Variants in ROBO2 observed in about 807,000 individuals in gnomAD.
The protein encoded by ROBO2 is roundabout guidance receptor 2.
Under a neutral mutation model 160.8 loss-of-function variants are expected in ROBO2, and 53 were observed. The ratio of observed to expected loss-of-function variants is 0.33; its 90% CI spans 0.26 to 0.41. The LOEUF (loss-of-function observed/expected upper bound fraction) is 0.41. ROBO2 is among the 10% of genes least tolerant of loss of function. The pLI is 1.00. For synonymous variants in ROBO2, 664 were observed against 611.7 expected, an observed-to-expected ratio of 1.09 and a Z score of -1.26; for missense variants, 1,577 against 1,722.4, an observed-to-expected ratio of 0.92 and a Z score of 1.49.
intron 4 of ROBO2, among the ~76,000 whole-genome samples, chr3:77,481,809 T>G (rs1451140818): frequency 1.3e-5 from 2 of 152,040 alleles, no homozygotes; most frequent in African/African-American, 4.8e-5. Context: ...AATTAATAGG[T>G]TAAAAACTGA....
chr3:76,119,921 CCTTCCTTCCTTCCTTCCTT>C (rs2070667034), intron 2 of ROBO2, among the ~76,000 whole-genome samples: 3 of 42,732 alleles, frequency 7.0e-5, no homozygotes, highest in South Asian at 1.6e-3. Context: ...TCCCTCCCTT[CCTTCCTTCCTTCCTTCCTT>C]CCTTCCTTCC....
At chr3:76,971,650 C>A (rs2059578454) in intron 2 of ROBO2, among the ~76,000 whole-genome samples, 1 of 152,124 alleles carries the variant, frequency 6.6e-6, no homozygotes, top group Non-Finnish European at 1.5e-5. Context: ...TTGCTTTAGA[C>A]TTATGGACAC....
chr3:76,216,445 A>C (rs1315990066), intron 2 of ROBO2, among the ~76,000 whole-genome samples: 1 of 152,200 alleles, frequency 6.6e-6, no homozygotes, highest in East Asian at 1.9e-4. Context: ...TATAGGCTCA[A>C]AATAAAGGGA....
chr3:76,749,682 G>A (rs2093948243), intron 2 of ROBO2, among the ~76,000 whole-genome samples: 1 of 152,034 alleles, frequency 6.6e-6, no homozygotes, highest in Non-Finnish European at 1.5e-5. Context: ...CAGGGCATAG[G>A]CCAAAATACG....
At position 77,102,305 on chromosome 3, in the gene ROBO2, T is replaced by C. The variant is rs180690303; in HGVS notation, c.388+3965T>C. Among the ~76,000 whole-genome samples, 4 of 151,256 alleles carry C rather than the reference T, an allele frequency of 2.6e-5. No individual in the cohort carries two copies. In the East Asian group the frequency reaches 7.9e-4, roughly 30 times the overall value. On this transcript the variant is annotated intron_variant, in intron 2 of 25. Coordinates refer to ENST00000461745, the Ensembl canonical transcript of ROBO2. ...TTATTTAGTGTGTGTGTGTGTTGCGTGGGTGGGTGGATTGTGCTAGGCATT... is the reference window on the plus strand; with the variant it reads ...TTATTTAGTGTGTGTGTGTGTTGCGCGGGTGGGTGGATTGTGCTAGGCATT...
Position 77,231,363 on chromosome 3 carries a change from C to CAAAAA in ROBO2, c.388+133041_388+133045dup, listed in dbSNP as rs60535204. 2.1e-3 allele frequency among the ~76,000 whole-genome samples: 128 copies of CAAAAA among 59,594 alleles called. 2 individuals carry two copies. Among genetic ancestry groups the CAAAAA allele is most frequent in the African/African-American group, 8.0e-3 (116 of 14,528 alleles). The allele number at this position is 59,594 out of a possible 152,430, so 39.1% of individuals were successfully genotyped here. A position where few individuals can be genotyped will look rare whatever the true frequency, so the allele number is the denominator to read the frequency against. ...GGGCAGCAGTGAGTGAGACTCCATC[C>CAAAAA]AAAAAAAAAAAAAAAAAAAAAAGAC... On this transcript the variant is annotated intron_variant, in intron 2 of 25. Transcript: ENST00000461745.
At chr3:77,381,782 A>G (rs916457398) in intron 2 of ROBO2, among the ~76,000 whole-genome samples, 2 of 152,126 alleles carry the variant, frequency 1.3e-5, no homozygotes, top group African/African-American at 4.8e-5. Context: ...CACTTGGTTG[A>G]TTCTCCTCCT....
At chr3:76,348,145 A>G (rs964741781) in intron 2 of ROBO2, among the ~76,000 whole-genome samples, 8 of 151,056 alleles carry the variant, frequency 5.3e-5, no homozygotes, top group African/African-American at 2.0e-4. Context: ...TCTCACACAC[A>G]GTCAGTATCA....
At chr3:77,011,407 G>A (rs1397534924) in intron 2 of ROBO2, among the ~76,000 whole-genome samples, 1 of 152,106 alleles carries the variant, frequency 6.6e-6, no homozygotes, top group Admixed American at 6.5e-5. Context: ...TCTGTGTCAA[G>A]TATCTTCAGC....
intron 9 of ROBO2, among the ~76,000 whole-genome samples, chr3:77,560,349 G>GA (rs1415173208): frequency 6.6e-6 from 1 of 152,006 alleles, no homozygotes; most frequent in Non-Finnish European, 1.5e-5. Flanking sequence ...CTCCTCACCA[G>GA]AAAAAGACAT....
chr3:77,222,255 C>T (rs2085916849), intron 2 of ROBO2, among the ~76,000 whole-genome samples: 1 of 152,202 alleles, frequency 6.6e-6, no homozygotes, highest in East Asian at 1.9e-4. Context: ...TAGATCATAT[C>T]CAAAACCTGC....
At chr3:77,397,553 A>G (rs976336521) in intron 2 of ROBO2, among the ~76,000 whole-genome samples, 2 of 152,136 alleles carry the variant, frequency 1.3e-5, no homozygotes, top group Non-Finnish European at 2.9e-5. Context: ...TCATTAAAAG[A>G]TCCTCAGTAA....
At chr3:77,054,517 G>A (rs1213806210) in intron 1 of ROBO2, among the ~76,000 whole-genome samples, 1 of 152,132 alleles carries the variant, frequency 6.6e-6, no homozygotes, top group Non-Finnish European at 1.5e-5. Context: ...GATGAAGTGT[G>A]TCGCATTTAC....
chr3:76,943,187 C>A (rs2149122828), intron 2 of ROBO2, among the ~76,000 whole-genome samples: 1 of 152,216 alleles, frequency 6.6e-6, no homozygotes, highest in Non-Finnish European at 1.5e-5. Context: ...TTGGTCCTTT[C>A]TAGGAAATCA....
chr3:75,951,229 T>C (rs1948524076), intron 2 of ROBO2, among the ~76,000 whole-genome samples: 1 of 152,054 alleles, frequency 6.6e-6, no homozygotes, highest in Non-Finnish European at 1.5e-5. Context: ...AACCTATCAA[T>C]GATGTTCAGT....
chr3:76,458,054 T>C (rs1156649046), intron 2 of ROBO2, among the ~76,000 whole-genome samples: 1 of 152,174 alleles, frequency 6.6e-6, no homozygotes, highest in Non-Finnish European at 1.5e-5. Flanking sequence ...CACCATGGTC[T>C]TGAGGATTAA....
At chr3:76,187,717 C>T (rs567187161) in intron 2 of ROBO2, among the ~76,000 whole-genome samples, 310 of 152,256 alleles carry the variant, frequency 2.0e-3, no homozygotes, top group Non-Finnish European at 3.4e-3. Flanking sequence ...AAGCAGCAGA[C>T]ATTTCTGTTG....
intron 2 of ROBO2, among the ~76,000 whole-genome samples, chr3:76,178,668 G>T (rs1027903663): frequency 7.9e-5 from 12 of 152,144 alleles, no homozygotes; most frequent in Non-Finnish European, 1.5e-4. Flanking sequence ...ACCTTGGCTG[G>T]ATGCAGTGGC....
intron 2 of ROBO2, among the ~76,000 whole-genome samples, chr3:77,351,537 G>A (rs2068327561): frequency 6.6e-6 from 1 of 152,006 alleles, no homozygotes; most frequent in Non-Finnish European, 1.5e-5. Flanking sequence ...TGAGATAAAG[G>A]GTTCCTTGGT....
Sources: allele counts gnomAD v4.1 joint callset (sites outside exome capture counted in the v4.1 genomes callset), GRCh38; gene constraint gnomAD v4.1.1; transcripts MANE v1.5; gene names NCBI Gene and HGNC (gene_info 2026-07-23, HGNC 2026-07-21).